PYCR1: variants seen among roughly 807,000 people sequenced by gnomAD.
PYCR1 encodes the protein pyrroline-5-carboxylate reductase 1, mitochondrial.
Under a neutral mutation model 22.9 loss-of-function variants are expected in PYCR1, and 19 were observed. That is an observed-to-expected ratio of 0.83 (90% CI 0.58 to 1.22). PYCR1 has a LOEUF of 1.22. Ranked by LOEUF, PYCR1 falls within the 50% of genes most tolerant of loss-of-function variation. The probability of loss-of-function intolerance (pLI) is 0.00; values close to 1 mark genes in which losing one functional copy is unlikely to be tolerated. For missense variants in PYCR1, 429 were observed against 431.3 expected, an observed-to-expected ratio of 0.99 and a Z score of 0.05; for synonymous variants, 175 against 180.5, an observed-to-expected ratio of 0.97 and a Z score of 0.24.
rs756495271 is a variant in PYCR1, at chr17:81,935,403, G to A, written c.252C>T (p.Ala84=). 9 of 1,613,624 alleles carry A rather than the reference G, an allele frequency of 5.6e-6. No individual in the cohort carries two copies. The highest frequency in any genetic ancestry group is 1.7e-5 in the Admixed American group (1 of 60,002). ...CCACAATGTGTCTGTCCTCAATGTC[G>A]GCGCCTATTTCATCCAGGATGAAGG... ...IIPFILDEIG[A]DIEDRHIVVS... The change falls in exon 3 of 7, where the codon GCC becomes GCT. Residue 84 remains alanine, a synonymous_variant. Transcript: ENST00000329875.
At position 81,937,045 on chromosome 17, in the gene PYCR1, G is replaced by A; in HGVS notation, c.-231C>T. 40 of 1,450,486 alleles carry A rather than the reference G, an allele frequency of 2.8e-5. No individual in the cohort carries two copies. Among genetic ancestry groups the A allele is most frequent in the Non-Finnish European group, 3.6e-5 (40 of 1,103,522 alleles). The allele number at this position is 1,450,486 out of a possible 1,614,324, so 89.9% of individuals were successfully genotyped here. A position where few individuals can be genotyped will look rare whatever the true frequency, so the allele number is the denominator to read the frequency against. On this transcript the variant is annotated 5_prime_UTR_variant, in exon 1 of 7. Coordinates refer to ENST00000329875, the MANE Select transcript of PYCR1 (RefSeq NM_006907.4). ...GCGGCGGTGCCTGGCCTGCTGCCTA[G>A]GGTCCCGCACCCACTGGAGGGGTGG...
chr17:81,935,478 C>G lies in PYCR1; in HGVS notation c.177G>C (p.Thr59=). ...GGAAGAGCACATCACTGTGCTGCAC[C>G]GTCTCCTTGTTGTGGGGTGTCAACT... ...GVKLTPHNKE[T]VQHSDVLFLA... The change falls in exon 3 of 7, where the codon ACG becomes ACC. Residue 59 remains threonine, a synonymous_variant. Transcript: ENST00000329875. 6.2e-7 allele frequency: 1 copy of G among 1,612,806 alleles called. No homozygotes were observed.
Position 81,932,980 on chromosome 17 carries a change from G to A in PYCR1, c.*234C>T, listed in dbSNP as rs770941288. ...AAGGTGGTCCTGACATGGTTTGGGA[G>A]CAGAGAAGAAAGGAGGTTGAGGTTG... On this transcript the variant is annotated 3_prime_UTR_variant, in exon 7 of 7. Coordinates refer to ENST00000329875, the MANE Select transcript of PYCR1 (RefSeq NM_006907.4). 2 of 1,607,672 alleles carry A rather than the reference G, an allele frequency of 1.2e-6. No individual in the cohort carries two copies. Among genetic ancestry groups the A allele is most frequent in the South Asian group, 1.1e-5 (1 of 90,208 alleles).
chr17:81,933,841 A>G (rs2041067454), intron 6 of PYCR1, among the ~76,000 whole-genome samples: 1 of 152,216 alleles, frequency 6.6e-6, no homozygotes. Flanking sequence ...CAGCTGTGGG[A>G]TCCCAGGCAA....
chr17:81,936,121 A>G lies in PYCR1; in HGVS notation c.138+2T>C, dbSNP rs2041181771. ...TCCTTTCTCCCTTTCATCTGCACCT[A>G]CCCTGAGAGCAGAAACTGTGGCCAG... On this transcript the variant is annotated splice_donor_variant, in intron 2 of 6. Transcript: ENST00000329875. LOFTEE classifies it high-confidence loss of function. 1.2e-6 allele frequency: 2 copies of G among 1,613,408 alleles called. No homozygotes were observed. Among genetic ancestry groups the G allele is most frequent in the Non-Finnish European group, 1.7e-6 (2 of 1,179,670 alleles).
chr17:81,934,515 C>G (rs1400542873), intron 5 of PYCR1, 26 bp from the exon 6 acceptor site: 1 of 1,578,470 alleles, frequency 6.3e-7, no homozygotes, highest in African/African-American at 1.3e-5. Flanking sequence ...AGGCTGACGG[C>G]TGTGGGCACG....
intron 3 of PYCR1, 46 bp downstream of exon 3, chr17:81,935,291 G>C: frequency 6.2e-7 from 1 of 1,607,186 alleles, no homozygotes; most frequent in Non-Finnish European, 8.5e-7. Flanking sequence ...GAGGGCCCGG[G>C]CTCTAGACAG....
In PYCR1 at chr17:81,934,744, G is replaced by T; in HGVS notation, c.542C>A (p.Ala181Glu). Residue 181 changes from alanine (A) to glutamate (E), a missense_variant and splice_region_variant, in exon 5 of 7, where the codon GCA becomes GAA. Transcript: ENST00000329875. Reference protein sequence around the residue: ...TGLSGSGPAYAFTALDALADG... With the variant: ...TGLSGSGPAYEFTALDALADG... ...AGCCAGGGCATCCAGGGCTGTGAATGCCTGTGGGGAGAAGGCACCCTGAGC... is the reference window on the plus strand; with the variant it reads ...AGCCAGGGCATCCAGGGCTGTGAATTCCTGTGGGGAGAAGGCACCCTGAGC... 6.4e-7 allele frequency: 1 copy of T among 1,554,120 alleles called. No individual in the cohort carries two copies. The highest frequency in any genetic ancestry group is 8.7e-7 in the Non-Finnish European group (1 of 1,149,036).
Position 81,937,046 on chromosome 17 carries a change from G to A in PYCR1, c.-232C>T, listed in dbSNP as rs2041219758. Reference sequence around the variant, plus strand: ...CGGCGGTGCCTGGCCTGCTGCCTAGGGTCCCGCACCCACTGGAGGGGTGGA... The same window carrying A: ...CGGCGGTGCCTGGCCTGCTGCCTAGAGTCCCGCACCCACTGGAGGGGTGGA... On this transcript the variant is annotated 5_prime_UTR_variant, in exon 1 of 7. Transcript: ENST00000329875. 1 of 1,440,576 alleles carries A rather than the reference G, an allele frequency of 6.9e-7. No homozygotes were observed. The highest frequency in any genetic ancestry group is 2.7e-5 in the Admixed American group (1 of 37,564). The allele number at this position is 1,440,576 out of a possible 1,614,324, so 89.2% of individuals were successfully genotyped here. A position where few individuals can be genotyped will look rare whatever the true frequency, so the allele number is the denominator to read the frequency against.
chr17:81,934,232 A>G (rs193196127), intron 6 of PYCR1, 94 bp downstream of exon 6: 138 of 1,543,956 alleles, frequency 8.9e-5, no homozygotes, highest in Admixed American at 2.0e-4. Flanking sequence ...CTCAATACGT[A>G]TCTGCTGAGT....
At position 81,936,863 on chromosome 17, in the gene PYCR1, T is replaced by C. The variant is rs531874252; in HGVS notation, c.-49A>G. 114 of 1,580,584 alleles carry C rather than the reference T, an allele frequency of 7.2e-5. 1 individual carries two copies. The Middle Eastern group carries it at 7.6e-4, about 11-fold the overall frequency. On this transcript the variant is annotated 5_prime_UTR_variant, in exon 1 of 7. Transcript: ENST00000329875. Reference sequence around the variant, plus strand: ...AAGCCCCCACAGATGGCACCGGCTCTGCGGGACGAGACCGGCAGGATCGAG... The same window carrying C: ...AAGCCCCCACAGATGGCACCGGCTCCGCGGGACGAGACCGGCAGGATCGAG...
rs539230162 is a variant in PYCR1 at position 81,934,489 on chromosome 17, C to G, written c.634G>C (p.Gly212Arg). Reference sequence around the variant, plus strand: ...GAGTGCAGCAGCATCTTGGCAGCCCCCTGCAGCCAGAAGAAAGGCTGACGG... The same window carrying G: ...GAGTGCAGCAGCATCTTGGCAGCCCGCTGCAGCCAGAAGAAAGGCTGACGG... ...AVRLGAQALL[G>R]AAKMLLHSEQ... The change falls in exon 6 of 7, where the codon GGG (glycine) becomes CGG (arginine). Residue 212 changes from glycine (G) to arginine (R), a missense_variant and splice_region_variant. Coordinates refer to ENST00000329875, the MANE Select transcript of PYCR1 (RefSeq NM_006907.4). 1.3e-6 allele frequency: 2 copies of G among 1,599,330 alleles called. No individual in the cohort carries two copies.
rs2041013665 is a variant in PYCR1, at chr17:81,932,470, C to A, written c.*744G>T. On this transcript the variant is annotated 3_prime_UTR_variant, in exon 7 of 7. Coordinates refer to ENST00000329875, the MANE Select transcript of PYCR1 (RefSeq NM_006907.4). ...GGGCCTTGTCTAATCAGTTGAAGGC[C>A]TCCACTATTCCACCCACAGTAACCA... 6.7e-6 allele frequency: 2 copies of A among 298,618 alleles called. No individual in the cohort carries two copies. The highest frequency in any genetic ancestry group is 6.9e-5 in the South Asian group (2 of 28,840). The allele number at this position is 298,618 out of a possible 1,614,324, so 18.5% of individuals were successfully genotyped here. A position where few individuals can be genotyped will look rare whatever the true frequency, so the allele number is the denominator to read the frequency against.
rs947140670 is a variant in PYCR1 at position 81,932,598 on chromosome 17, T to G, written c.*616A>C. On this transcript the variant is annotated 3_prime_UTR_variant, in exon 7 of 7. Coordinates refer to ENST00000329875, the MANE Select transcript of PYCR1 (RefSeq NM_006907.4). ...AAAACTGAAAGGGCCAGGACAGAACTGATAGCACCCTCCCAGGGAGGTCAG... is the reference window on the plus strand; with the variant it reads ...AAAACTGAAAGGGCCAGGACAGAACGGATAGCACCCTCCCAGGGAGGTCAG... 2.0e-6 allele frequency: 1 copy of G among 494,182 alleles called. No homozygotes were observed. Among genetic ancestry groups the G allele is most frequent in the Non-Finnish European group, 3.7e-6 (1 of 270,052 alleles). The allele number at this position is 494,182 out of a possible 1,614,324, so 30.6% of individuals were successfully genotyped here. A position where few individuals can be genotyped will look rare whatever the true frequency, so the allele number is the denominator to read the frequency against.
chr17:81,934,918 G>C lies in PYCR1; in HGVS notation c.540+8C>G, dbSNP rs1182877041. ...CCCGCCGCCGCCAGCTTCCCCCGCA[G>C]TCCTTACGTAGGCGGGGCCGCTGCC... On this transcript the variant is annotated splice_region_variant and intron_variant, in intron 4 of 6. Transcript: ENST00000329875. 6.2e-7 allele frequency: 1 copy of C among 1,609,780 alleles called. No individual in the cohort carries two copies. Among genetic ancestry groups the C allele is most frequent in the Admixed American group, 1.7e-5 (1 of 59,996 alleles).
rs773142712 is a variant in PYCR1 at position 81,934,709 on chromosome 17, C to A, written c.577G>T (p.Val193Leu). The change falls in exon 5 of 7, where the codon GTG becomes TTG. Residue 193 changes from valine to leucine, a missense_variant. Physicochemically the swap from Val to Leu is conservative, Grantham distance 32 (BLOSUM62 1). Transcript: ENST00000329875. ...AGGCGCCTTGGAAGTCCCATCTTCA[C>A]ACCCCCATCAGCCAGGGCATCCAGG... ...TALDALADGG[V>L]KMGLPRRLAV... The A allele has an allele frequency of 1.3e-6, 2 of 1,571,198 alleles. No individual in the cohort carries two copies. The highest frequency in any genetic ancestry group is 2.3e-5 in the South Asian group (2 of 85,582).
chr17:81,933,499 T>G, intron 6 of PYCR1, 123 bp from the exon 7 acceptor site: 1 of 1,210,380 alleles, frequency 8.3e-7, no homozygotes. Context: ...CTCAGCACCT[T>G]TATTCCCCTC....
chr17:81,937,286 G>T lies in PYCR1; in HGVS notation c.-472C>A. 7.8e-6 allele frequency: 9 copies of T among 1,151,242 alleles called. No homozygotes were observed. Among genetic ancestry groups the T allele is most frequent in the South Asian group, 7.4e-5 (2 of 27,108 alleles). The allele number at this position is 1,151,242 out of a possible 1,614,324, so 71.3% of individuals were successfully genotyped here. On this transcript the variant is annotated 5_prime_UTR_variant, in exon 1 of 7. Coordinates refer to ENST00000329875, the MANE Select transcript of PYCR1 (RefSeq NM_006907.4). ...CCCCTCAGCGCTGCGGCCGCCACGC[G>T]GCACCCGCACCCAGGCCCCGCCCCC...
At chr17:81,935,668 C>T (rs2041167693) in intron 2 of PYCR1, 152 bp from the exon 3 acceptor site, 3 of 745,440 alleles carry the variant, frequency 4.0e-6, no homozygotes, top group Non-Finnish European at 6.8e-6. Context: ...CCTTGATGAC[C>T]CTTCCCACCC....
Sources: gnomAD v4.1 joint callset for allele counts (sites outside exome capture counted in the v4.1 genomes callset) on GRCh38, gnomAD v4.1.1 for gene constraint, MANE v1.5 for transcripts, NCBI Gene and HGNC (gene_info 2026-07-23, HGNC 2026-07-21) for gene names.